Variants in NLGN4Y observed in about 807,000 individuals in gnomAD.
The protein encoded by NLGN4Y is neuroligin-4, Y-linked.
NLGN4Y carries 4 observed loss-of-function variants against 8.4 expected under a neutral mutation model. That is an observed-to-expected ratio of 0.48 (90% CI 0.23 to 1.09). The LOEUF (loss-of-function observed/expected upper bound fraction) is 1.09, where lower values mean the gene tolerates loss of function less well. Among genes scored for constraint, NLGN4Y ranks in the 50% least tolerant of loss-of-function variants. The pLI, the probability that NLGN4Y is intolerant of heterozygous loss-of-function variation, is 0.19. For missense variants in NLGN4Y, 90 were observed against 192.3 expected (o/e 0.47, Z 3.15); for synonymous variants, 35 against 75.6 (o/e 0.46, Z 2.78).
intron 2 of NLGN4Y, among the ~76,000 whole-genome samples, chrY:14,636,762 C>G: frequency 3.1e-5 from 1 of 32,754 alleles, no homozygotes; most frequent in Non-Finnish European, 7.5e-5. Flanking sequence ...GTAGAAGGAG[C>G]TTTTGGGGTC....
intron 2 of NLGN4Y, among the ~76,000 whole-genome samples, chrY:14,700,180 T>C: frequency 3.0e-5 from 1 of 33,670 alleles, no homozygotes; most frequent in Non-Finnish European, 7.4e-5. Flanking sequence ...AAACACAAGA[T>C]ATCTTAAGAA....
Position 14,648,357 on chromosome Y carries a change from G to A in NLGN4Y, c.472+25766G>A, listed in dbSNP as rs201383795. On this transcript the variant is annotated intron_variant, in intron 2 of 6. Coordinates refer to ENST00000684976, the MANE Select transcript of NLGN4Y (RefSeq NM_001365588.1). ...TGGGAGGTAGAAGTTGCAGTAAGCC[G>A]AGATGACACCACTGCATTTTAGCCT... is the stretch of plus-strand genomic sequence containing the variant. Among the ~76,000 whole-genome samples the A allele has an allele frequency of 1.8e-3, 61 of 33,207 alleles. No individual in the cohort carries two copies. In the East Asian group the frequency reaches 0.048, roughly 26 times the overall value. The allele number at this position is 33,207 out of a possible 37,273, so 89.1% of individuals were successfully genotyped here.
At chrY:14,674,518 G>T (rs2080741362) in intron 2 of NLGN4Y, among the ~76,000 whole-genome samples, 1 of 31,527 alleles carries the variant, frequency 3.2e-5, no homozygotes, top group Non-Finnish European at 7.6e-5. Flanking sequence ...TTGTTTGTTT[G>T]TTTTTTTAGT....
chrY:14,567,386 G>A (rs2080255920), intron 1 of NLGN4Y, among the ~76,000 whole-genome samples: 1 of 30,862 alleles, frequency 3.2e-5, no homozygotes, highest in African/African-American at 1.3e-4. Context: ...GTACCACCAC[G>A]CCTGGCAAAT....
chrY:14,796,850 G>A, intron 4 of NLGN4Y, among the ~76,000 whole-genome samples: 1 of 32,593 alleles, frequency 3.1e-5, no homozygotes, highest in African/African-American at 1.2e-4. Context: ...TTGAGCTATT[G>A]GGATTTTCAC....
chrY:14,566,661 C>A, intron 1 of NLGN4Y, among the ~76,000 whole-genome samples: 1 of 33,259 alleles, frequency 3.0e-5, no homozygotes, highest in Non-Finnish European at 7.4e-5. Context: ...CAGCTCTGGA[C>A]CAAGTGGATC....
Position 14,800,048 on chromosome Y carries a change from G to A in NLGN4Y, c.686-24140G>A, listed in dbSNP as rs533597137. On this transcript the variant is annotated intron_variant, in intron 4 of 6. Transcript: ENST00000684976. ...CTGACTTCCAGCCCATCACTATGTA[G>A]ATCCATTGTGGAGCTTTGTTACTCC... Among the ~76,000 whole-genome samples the A allele has an allele frequency of 2.4e-4, 8 of 33,280 alleles. No homozygotes were observed. The South Asian group carries it at 4.8e-3, about 20-fold the overall frequency. 89.3% of individuals were successfully genotyped at this position (33,280 alleles called of 37,273 possible).
intron 4 of NLGN4Y, 126 bp from the exon 5 acceptor site, chrY:14,824,062 A>G (rs2043133891): frequency 4.8e-6 from 1 of 206,952 alleles, no homozygotes; most frequent in African/African-American, 8.2e-5. Flanking sequence ...TTTTTCCTCT[A>G]ATTTGTGGGG....
intron 2 of NLGN4Y, among the ~76,000 whole-genome samples, chrY:14,700,048 G>A (rs2080843928): frequency 3.0e-5 from 1 of 33,701 alleles, no homozygotes; most frequent in Non-Finnish European, 7.4e-5. Flanking sequence ...ATCAGGATGT[G>A]TTTTTAAAAG....
chrY:14,826,297 T>A, intron 5 of NLGN4Y, among the ~76,000 whole-genome samples: 5 of 32,199 alleles, frequency 1.6e-4, no homozygotes, highest in Non-Finnish European at 3.0e-4. Context: ...ACCATTTACA[T>A]CTGAAGTACT....
intron 4 of NLGN4Y, among the ~76,000 whole-genome samples, chrY:14,727,969 T>C: frequency 3.0e-5 from 1 of 33,445 alleles, no homozygotes; most frequent in African/African-American, 1.2e-4. Context: ...GCCACAATCA[T>C]AGTGCAAATC....
At chrY:14,562,678 G>A (rs901786960) in intron 1 of NLGN4Y, among the ~76,000 whole-genome samples, 5 of 33,554 alleles carry the variant, frequency 1.5e-4, no homozygotes, top group African/African-American at 3.5e-4. Flanking sequence ...CTATCCTTTA[G>A]CATGGAATGC....
chrY:14,608,329 A>AT (rs2080454555), intron 1 of NLGN4Y, among the ~76,000 whole-genome samples: 2 of 32,894 alleles, frequency 6.1e-5, no homozygotes, highest in Non-Finnish European at 1.5e-4. Flanking sequence ...TAGTTTTATG[A>AT]TTTTTTCTCT....
intron 4 of NLGN4Y, among the ~76,000 whole-genome samples, chrY:14,817,701 T>A: frequency 3.0e-5 from 1 of 33,141 alleles, no homozygotes; most frequent in Non-Finnish European, 7.4e-5. Flanking sequence ...ATGAGGGCTA[T>A]CCCTAAATGC....
intron 1 of NLGN4Y, among the ~76,000 whole-genome samples, chrY:14,581,399 T>TG (rs776902602): frequency 7.6e-4 from 25 of 32,715 alleles, no homozygotes; most frequent in African/African-American, 3.0e-3. Flanking sequence ...AAAAGAAAAT[T>TG]GAAGAGGCAG....
intron 1 of NLGN4Y, among the ~76,000 whole-genome samples, chrY:14,560,240 C>T: frequency 6.0e-5 from 2 of 33,147 alleles, no homozygotes; most frequent in Non-Finnish European, 1.5e-4. Flanking sequence ...AGCATTCAAC[C>T]GGAAACCTTC....
intron 2 of NLGN4Y, among the ~76,000 whole-genome samples, chrY:14,626,662 C>T: frequency 3.0e-5 from 1 of 33,589 alleles, no homozygotes; most frequent in Non-Finnish European, 7.4e-5. Context: ...AGCCTGCTTC[C>T]ATTCCCTTAT....
rs778677922 is a variant in NLGN4Y at position 14,843,653 on chromosome Y, T to A, written c.*2391T>A. Reference sequence around the variant, plus strand: ...AAGTGATTTAGTACATCTTACATGATATCTCATTTCTACGTGAAAAGAAGT... The same window carrying A: ...AAGTGATTTAGTACATCTTACATGAAATCTCATTTCTACGTGAAAAGAAGT... On this transcript the variant is annotated 3_prime_UTR_variant, in exon 7 of 7. Transcript: ENST00000684976. 5.4e-4 allele frequency: 65 copies of A among 119,854 alleles called. No individual in the cohort carries two copies. The highest frequency in any genetic ancestry group is 2.6e-3 in the South Asian group (65 of 25,464). The allele number at this position is 119,854 out of a possible 400,897, so 29.9% of individuals were successfully genotyped here. A position where few individuals can be genotyped will look rare whatever the true frequency, so the allele number is the denominator to read the frequency against.
intron 1 of NLGN4Y, among the ~76,000 whole-genome samples, chrY:14,542,953 G>A (rs376829900): frequency 6.6e-5 from 2 of 30,241 alleles, no homozygotes; most frequent in Non-Finnish European, 1.6e-4. Context: ...ACACAGGGAG[G>A]GGAACATCAC....
Sources: allele counts gnomAD v4.1 joint callset (sites outside exome capture counted in the v4.1 genomes callset), GRCh38; gene constraint gnomAD v4.1.1; transcripts MANE v1.5; gene names NCBI Gene and HGNC (gene_info 2026-07-23, HGNC 2026-07-21).